The following PDSS2 variants were observed in gnomAD, a reference collection of about 807,000 sequenced individuals.
PDSS2 encodes the protein decaprenyl diphosphate synthase subunit 2, also known as all trans-polyprenyl-diphosphate synthase PDSS2.
A neutral mutation model predicts 44.5 loss-of-function variants in PDSS2; 31 were observed. The ratio of observed to expected loss-of-function variants is 0.70; its 90% CI spans 0.52 to 0.94. The LOEUF (loss-of-function observed/expected upper bound fraction) is 0.94. Ranked by LOEUF, PDSS2 falls within the 40% of genes least tolerant of loss-of-function variation. The probability of loss-of-function intolerance (pLI) is 0.00; values close to 1 mark genes in which losing one functional copy is unlikely to be tolerated. For synonymous variants in PDSS2, 157 were observed against 180.3 expected (o/e 0.87, Z 1.03); for missense variants, 452 against 482.2 (o/e 0.94, Z 0.59).
intron 1 of PDSS2, among the ~76,000 whole-genome samples, chr6:107,348,123 T>C (rs1035543225): frequency 2.0e-5 from 3 of 152,224 alleles, no homozygotes; most frequent in African/African-American, 7.2e-5. Context: ...CGGCCTATCT[T>C]TTCGACTGAC....
chr6:107,398,234 A>G (rs1030540001), intron 1 of PDSS2, among the ~76,000 whole-genome samples: 1 of 152,200 alleles, frequency 6.6e-6, no homozygotes, highest in African/African-American at 2.4e-5. Context: ...ACACATTGCA[A>G]CAAAGTGGAA....
chr6:107,429,642 T>C (rs1781108176), intron 1 of PDSS2, among the ~76,000 whole-genome samples: 1 of 151,854 alleles, frequency 6.6e-6, no homozygotes, highest in South Asian at 2.1e-4. Flanking sequence ...CTCTGCACGC[T>C]GGGAGGCCAA....
intron 1 of PDSS2, among the ~76,000 whole-genome samples, chr6:107,356,995 C>G (rs1488243139): frequency 6.6e-6 from 1 of 152,068 alleles, no homozygotes; most frequent in Non-Finnish European, 1.5e-5. Flanking sequence ...TAAAAAAATT[C>G]AGAACACACA....
At chr6:107,183,247 A>G (rs1054347036) in intron 7 of PDSS2, among the ~76,000 whole-genome samples, 2 of 151,300 alleles carry the variant, frequency 1.3e-5, no homozygotes, top group African/African-American at 4.9e-5. Context: ...CACCCATACC[A>G]TTATGGTATT....
At chr6:107,241,614 G>C (rs965990325) in intron 4 of PDSS2, among the ~76,000 whole-genome samples, 2 of 152,200 alleles carry the variant, frequency 1.3e-5, no homozygotes, top group East Asian at 3.9e-4. Context: ...CCGAAGTGCT[G>C]GGATTACAGG....
At chr6:107,458,658 A>G (rs1782136811) in intron 1 of PDSS2, among the ~76,000 whole-genome samples, 1 of 151,952 alleles carries the variant, frequency 6.6e-6, no homozygotes, top group East Asian at 1.9e-4. Flanking sequence ...TTAAAAAAAA[A>G]AAAAATTTCT....
At chr6:107,441,354 G>C (rs1781504531) in intron 1 of PDSS2, among the ~76,000 whole-genome samples, 1 of 152,200 alleles carries the variant, frequency 6.6e-6, no homozygotes, top group Non-Finnish European at 1.5e-5. Flanking sequence ...AATAAATTCA[G>C]GGTTCTCTCA....
intron 6 of PDSS2, among the ~76,000 whole-genome samples, chr6:107,202,391 A>C (rs958065976): frequency 3.3e-5 from 5 of 151,964 alleles, no homozygotes; most frequent in Middle Eastern, 3.2e-3. Flanking sequence ...CAAAAAAAAA[A>C]CAAACAAAAC....
intron 2 of PDSS2, among the ~76,000 whole-genome samples, chr6:107,318,812 C>T (rs922802504): frequency 2.9e-4 from 44 of 152,044 alleles, no homozygotes; most frequent in Non-Finnish European, 3.7e-4. Context: ...CATGGTGAAA[C>T]CCCATCTCTA....
chr6:107,261,262 G>A (rs1035924482), intron 3 of PDSS2, among the ~76,000 whole-genome samples: 6 of 152,218 alleles, frequency 3.9e-5, no homozygotes, highest in African/African-American at 1.4e-4. Flanking sequence ...CAATGCAGGA[G>A]GTGGGGCTGG....
chr6:107,198,085 T>C (rs879200827), intron 6 of PDSS2, among the ~76,000 whole-genome samples: 2 of 152,190 alleles, frequency 1.3e-5, no homozygotes, highest in Non-Finnish European at 2.9e-5. Context: ...TAAAACCATT[T>C]TTCCCATCCC....
intron 3 of PDSS2, among the ~76,000 whole-genome samples, chr6:107,248,625 G>A (rs1318423703): frequency 2.0e-5 from 3 of 151,450 alleles, no homozygotes; most frequent in Middle Eastern, 6.5e-3. Flanking sequence ...CAATTTTTCT[G>A]AGCTTTGATT....
intron 1 of PDSS2, among the ~76,000 whole-genome samples, chr6:107,374,969 T>C (rs1779240888): frequency 6.6e-6 from 1 of 152,068 alleles, no homozygotes; most frequent in Admixed American, 6.6e-5. Context: ...TCCCCAAATA[T>C]TTGAAAATTA....
At chr6:107,338,863 T>G (rs952303903) in intron 1 of PDSS2, among the ~76,000 whole-genome samples, 22 of 152,032 alleles carry the variant, frequency 1.4e-4, no homozygotes, top group African/African-American at 5.3e-4. Context: ...GGGTTCCCTA[T>G]GTAGAGGAGA....
At chr6:107,225,129 A>C (rs1773744771) in intron 4 of PDSS2, among the ~76,000 whole-genome samples, 1 of 52,240 alleles carries the variant, frequency 1.9e-5, no homozygotes, top group Non-Finnish European at 3.0e-5. Flanking sequence ...TTCACTATAT[A>C]TATATTTTTA....
At chr6:107,348,944 A>G (rs1778338901) in intron 1 of PDSS2, among the ~76,000 whole-genome samples, 2 of 152,214 alleles carry the variant, frequency 1.3e-5, no homozygotes, top group Non-Finnish European at 1.5e-5. Context: ...CAAGGAAGTA[A>G]TAAGTGGTAG....
Position 107,154,627 on chromosome 6 carries a change from ATC to A in PDSS2, c.1190_1191del (p.Arg397IlefsTer7), listed in dbSNP as rs782439454. The A allele has an allele frequency of 5.0e-6, 8 of 1,614,056 alleles. No individual in the cohort carries two copies. Among genetic ancestry groups the A allele is most frequent in the Middle Eastern group, 1.6e-4 (1 of 6,084 alleles). On this transcript the variant is annotated frameshift_variant, in exon 8 of 8. Coordinates refer to ENST00000369037, the MANE Select transcript of PDSS2 (RefSeq NM_020381.4). LOFTEE classifies it high-confidence loss of function. ...ALENIVFAVT[R>X]FS ...GTCTTTTTAATTTGATGTCATGAAA[ATC>A]TGGTCACAGCAAACACAATGTTTTC...
intron 3 of PDSS2, among the ~76,000 whole-genome samples, chr6:107,271,460 C>T (rs994675307): frequency 6.6e-6 from 1 of 152,210 alleles, no homozygotes; most frequent in African/African-American, 2.4e-5. Flanking sequence ...ATATATTTTA[C>T]AGACACCCAA....
chr6:107,226,269 G>A (rs1773817696), intron 4 of PDSS2, among the ~76,000 whole-genome samples: 1 of 152,098 alleles, frequency 6.6e-6, no homozygotes, highest in Non-Finnish European at 1.5e-5. Flanking sequence ...CCGAGATTGC[G>A]CCACTGCACT....
Sources: gnomAD v4.1 joint callset for allele counts (sites outside exome capture counted in the v4.1 genomes callset) on GRCh38, gnomAD v4.1.1 for gene constraint, MANE v1.5 for transcripts, NCBI Gene and HGNC (gene_info 2026-07-23, HGNC 2026-07-21) for gene names.